Variants in FUBP1 observed in about 807,000 individuals in gnomAD.
FUBP1 encodes far upstream element-binding protein 1.
FUBP1 carries 16 observed loss-of-function variants against 94.9 expected under a neutral mutation model. The observed-to-expected ratio is 0.17, with a 90% confidence interval of 0.11 to 0.26. The LOEUF (loss-of-function observed/expected upper bound fraction) is 0.26, where lower values mean the gene tolerates loss of function less well. FUBP1 is among the 10% of genes least tolerant of loss of function. FUBP1 has a pLI of 1.00. For missense variants in FUBP1, 583 were observed against 808.6 expected, an observed-to-expected ratio of 0.72 and a Z score of 3.38; for synonymous variants, 279 against 254.9, an observed-to-expected ratio of 1.09 and a Z score of -0.90.
intron 2 of FUBP1, among the ~76,000 whole-genome samples, chr1:77,968,482 CA>C (rs1458560132): frequency 6.6e-6 from 1 of 151,870 alleles, no homozygotes; most frequent in Non-Finnish European, 1.5e-5. Flanking sequence ...TAGAATGACA[CA>C]AGACAACGTA....
At chr1:77,974,330 C>T (rs1422459535) in intron 1 of FUBP1, among the ~76,000 whole-genome samples, 1 of 152,018 alleles carries the variant, frequency 6.6e-6, no homozygotes, top group Non-Finnish European at 1.5e-5. Context: ...GACGGGGTTT[C>T]ACCGTGTTAG....
chr1:77,967,120 C>T lies in FUBP1; in HGVS notation c.291-19G>A. 1 of 1,472,476 alleles carries T rather than the reference C, an allele frequency of 6.8e-7. No individual in the cohort carries two copies. Among genetic ancestry groups the T allele is most frequent in the Non-Finnish European group, 9.3e-7 (1 of 1,071,590 alleles). 91.2% of individuals were successfully genotyped at this position (1,472,476 alleles called of 1,614,324 possible). ...AGATCTGCTAAGAAATAACAGAAAGCACCATTTTCCTTCAATGAAAGATAC... is the reference window on the plus strand; with the variant it reads ...AGATCTGCTAAGAAATAACAGAAAGTACCATTTTCCTTCAATGAAAGATAC... On this transcript the variant is annotated intron_variant, in intron 4 of 19. Coordinates refer to ENST00000370768, the MANE Select transcript of FUBP1 (RefSeq NM_003902.5).
rs1323551183 is a variant in FUBP1 at position 77,946,017 on chromosome 1, G to GA, written c.*2748dup. The GA allele has an allele frequency of 5.1e-6, 1 of 196,762 alleles. No individual in the cohort carries two copies. Among genetic ancestry groups the GA allele is most frequent in the Admixed American group, 6.1e-5 (1 of 16,440 alleles). 12.2% of individuals were successfully genotyped at this position (196,762 alleles called of 1,614,324 possible). ...TCTTCAGCATATAACTTTTGTCTAA[G>GA]AAAAAAATCATAATAAAATTCTAAC... On this transcript the variant is annotated 3_prime_UTR_variant, in exon 20 of 20. Coordinates refer to ENST00000370768, the MANE Select transcript of FUBP1 (RefSeq NM_003902.5).
At chr1:77,955,540 T>C in intron 17 of FUBP1, 1 of 478,430 alleles carries the variant, frequency 2.1e-6, no homozygotes. Context: ...ACCAACCTGT[T>C]TGAAGACTGG....
intron 18 of FUBP1, among the ~76,000 whole-genome samples, chr1:77,951,602 G>A (rs958899682): frequency 6.6e-6 from 1 of 152,174 alleles, no homozygotes; most frequent in African/African-American, 2.4e-5. Context: ...AGAACACAGT[G>A]GCAGTGGTGT....
chr1:77,961,949 G>C (rs1033830130), intron 14 of FUBP1, among the ~76,000 whole-genome samples: 34 of 152,062 alleles, frequency 2.2e-4, no homozygotes, highest in African/African-American at 7.5e-4. Context: ...ATCTATTTTT[G>C]TCTTCCCAAG....
In FUBP1 at chr1:77,960,423, C is replaced by G; in HGVS notation, c.1417G>C (p.Gly473Arg). ...HGVPGPHGPP[G>R]PPGPGTPMGP... The stretch of plus-strand genomic sequence containing the variant: ...ATTGGAGTTCCAGGCCCTGGAGGCC[C>G]AGGAGGTCCATGGGGGCCTGGGACA... The change falls in exon 15 of 20, where the codon GGG (glycine) becomes CGG (arginine). Residue 473 changes from glycine (G) to arginine (R), a missense_variant. Transcript: ENST00000370768. The G allele has an allele frequency of 6.3e-7, 1 of 1,594,510 alleles. No individual in the cohort carries two copies. Among genetic ancestry groups the G allele is most frequent in the Non-Finnish European group, 8.5e-7 (1 of 1,175,482 alleles).
intron 9 of FUBP1, 40 bp downstream of exon 9, chr1:77,964,830 C>G: frequency 6.6e-7 from 1 of 1,510,098 alleles, no homozygotes; most frequent in East Asian, 2.3e-5. Flanking sequence ...CAACCCCATT[C>G]AACCCACTCT....
At position 77,945,816 on chromosome 1, in the gene FUBP1, AAC is replaced by A. The variant is rs1215806214; in HGVS notation, c.*2948_*2949del. 9.4e-6 allele frequency: 2 copies of A among 212,966 alleles called. No individual in the cohort carries two copies. The highest frequency in any genetic ancestry group is 1.9e-5 in the Non-Finnish European group (2 of 105,246). 13.2% of individuals were successfully genotyped at this position (212,966 alleles called of 1,614,324 possible). On this transcript the variant is annotated 3_prime_UTR_variant, in exon 20 of 20. Coordinates refer to ENST00000370768, the MANE Select transcript of FUBP1 (RefSeq NM_003902.5). ...TGTACCAGTTAAAATCATCTATAAA[AAC>A]ACACAAACATTTTAAACTGGCAAAA...
At chr1:77,963,371 C>A (rs1655876762) in intron 13 of FUBP1, among the ~76,000 whole-genome samples, 2 of 152,254 alleles carry the variant, frequency 1.3e-5, no homozygotes, top group South Asian at 4.1e-4. Context: ...TCTCTAGAAG[C>A]TAGTAAGATT....
intron 12 of FUBP1, 150 bp downstream of exon 12, chr1:77,963,912 C>T: frequency 1.5e-6 from 1 of 678,028 alleles, no homozygotes; most frequent in Non-Finnish European, 2.5e-6. Flanking sequence ...GTTCTTCCTG[C>T]TCCAAGATCT....
intron 1 of FUBP1, among the ~76,000 whole-genome samples, chr1:77,972,004 CAAAAAAAAA>C (rs60606700): frequency 1.2e-5 from 1 of 84,146 alleles, no homozygotes; most frequent in African/African-American, 3.7e-5. Flanking sequence ...GACTCTGTCT[CAAAAAAAAA>C]AAAAAAAAAA....
At chr1:77,959,955 T>G (rs1269228988) in intron 16 of FUBP1, among the ~76,000 whole-genome samples, 1 of 152,228 alleles carries the variant, frequency 6.6e-6, no homozygotes, top group Non-Finnish European at 1.5e-5. Context: ...TTTATCATTC[T>G]ACTGTATCAA....
chr1:77,961,800 A>AT (rs1318469281), intron 14 of FUBP1, among the ~76,000 whole-genome samples: 3 of 152,130 alleles, frequency 2.0e-5, no homozygotes, highest in Non-Finnish European at 4.4e-5. Flanking sequence ...AGTGCTATTC[A>AT]TTTTTTTGCC....
At chr1:77,961,283 T>TAAC (rs1231982471) in intron 14 of FUBP1, among the ~76,000 whole-genome samples, 3 of 152,234 alleles carry the variant, frequency 2.0e-5, no homozygotes, top group Non-Finnish European at 4.4e-5. Flanking sequence ...GACAAAATGC[T>TAAC]AACACTACAT....
In FUBP1 at chr1:77,949,275, C is replaced by T; in HGVS notation, c.1806G>A (p.Gly602=). The T allele has an allele frequency of 1.9e-6, 3 of 1,613,752 alleles. No individual in the cohort carries two copies. Among genetic ancestry groups the T allele is most frequent in the East Asian group, 2.2e-5 (1 of 44,876 alleles). ...AATCTGGCTGACCACCTGGAGGAGC[C>T]CCAGTCGGAGCAGGAACTGCCTGAC... The part of the protein sequence containing the change: ...KMGQAVPAPT[G]APPGGQPDYS... Residue 602 remains glycine, a synonymous_variant, in exon 19 of 20, where the codon GGG becomes GGA. Transcript: ENST00000370768.
intron 17 of FUBP1, among the ~76,000 whole-genome samples, chr1:77,955,715 T>C (rs1029681177): frequency 1.3e-5 from 2 of 152,150 alleles, no homozygotes; most frequent in African/African-American, 4.8e-5. Flanking sequence ...TATATACATA[T>C]ATCGATGTTT....
rs2102313635 is a variant in FUBP1 at position 77,956,793 on chromosome 1, A to AT, written c.1577-94dup. Reference sequence around the variant, plus strand: ...ACCCCCCCGCCCAGCTCTCTGGCAAATATACAGCCCCCAAAATTAACTAGA... The same window carrying AT: ...ACCCCCCCGCCCAGCTCTCTGGCAAATTATACAGCCCCCAAAATTAACTAGA... On this transcript the variant is annotated intron_variant, in intron 16 of 19. Coordinates refer to ENST00000370768, the MANE Select transcript of FUBP1 (RefSeq NM_003902.5). The AT allele has an allele frequency of 7.6e-6, 6 of 793,184 alleles. No individual in the cohort carries two copies. In the South Asian group the frequency reaches 1.4e-4, roughly 19 times the overall value. The allele number at this position is 793,184 out of a possible 1,614,324, so 49.1% of individuals were successfully genotyped here. A position where few individuals can be genotyped will look rare whatever the true frequency, so the allele number is the denominator to read the frequency against.
chr1:77,972,401 T>C (rs938343832), intron 1 of FUBP1, among the ~76,000 whole-genome samples: 1 of 152,050 alleles, frequency 6.6e-6, no homozygotes, highest in Admixed American at 6.6e-5. Flanking sequence ...GAAAAGACAC[T>C]TATTTATACA....
Sources: allele counts gnomAD v4.1 joint callset (sites outside exome capture counted in the v4.1 genomes callset), GRCh38; gene constraint gnomAD v4.1.1; transcripts MANE v1.5; gene names NCBI Gene and HGNC (gene_info 2026-07-23, HGNC 2026-07-21).